The following RSRC1 variants were observed in gnomAD, a reference collection of about 807,000 sequenced individuals.
RSRC1 encodes arginine and serine rich coiled-coil 1, also known as serine/Arginine-related protein 53.
A neutral mutation model predicts 49.1 loss-of-function variants in RSRC1; 39 were observed. That is an observed-to-expected ratio of 0.79 (90% CI 0.61 to 1.04). The LOEUF (loss-of-function observed/expected upper bound fraction) is 1.04. Among genes scored for constraint, RSRC1 ranks in the 50% least tolerant of loss-of-function variants. The pLI is 0.00. For missense variants in RSRC1, 388 were observed against 402.4 expected (o/e 0.96, Z 0.31); for synonymous variants, 143 against 130.8 (o/e 1.09, Z -0.63).
At chr3:158,296,991 A>T (rs1263678226) in intron 4 of RSRC1, among the ~76,000 whole-genome samples, 1 of 152,080 alleles carries the variant, frequency 6.6e-6, no homozygotes, top group Non-Finnish European at 1.5e-5. Flanking sequence ...TTTGGCAAAG[A>T]AAAAATAGAA....
At chr3:158,424,326 A>G (rs1429067998) in intron 6 of RSRC1, among the ~76,000 whole-genome samples, 3 of 151,818 alleles carry the variant, frequency 2.0e-5, no homozygotes, top group Non-Finnish European at 4.4e-5. Flanking sequence ...TTCTGCATCT[A>G]TTGAGATAAA....
At chr3:158,162,878 C>T (rs777041992) in intron 3 of RSRC1, among the ~76,000 whole-genome samples, 4 of 152,124 alleles carry the variant, frequency 2.6e-5, no homozygotes, top group Non-Finnish European at 5.9e-5. Flanking sequence ...AATTTGAACT[C>T]TTCAGGAGAA....
At chr3:158,471,436 T>C (rs1163580596) in intron 7 of RSRC1, among the ~76,000 whole-genome samples, 1 of 152,136 alleles carries the variant, frequency 6.6e-6, no homozygotes, top group Non-Finnish European at 1.5e-5. Context: ...TTAGCTATTG[T>C]TATTATAGCA....
chr3:158,473,524 C>T (rs982268188), intron 7 of RSRC1, among the ~76,000 whole-genome samples: 1 of 151,426 alleles, frequency 6.6e-6, no homozygotes, highest in Non-Finnish European at 1.5e-5. Flanking sequence ...GGGGTGAGGG[C>T]AGGGGGGAGG....
chr3:158,217,125 A>G (rs1214498704), intron 4 of RSRC1, among the ~76,000 whole-genome samples: 1 of 151,708 alleles, frequency 6.6e-6, no homozygotes, highest in East Asian at 1.9e-4. Context: ...AGGAGAATTA[A>G]AAGATGTGAT....
intron 3 of RSRC1, among the ~76,000 whole-genome samples, chr3:158,125,193 T>C (rs947473940): frequency 6.6e-6 from 1 of 152,056 alleles, no homozygotes; most frequent in Non-Finnish European, 1.5e-5. Context: ...TTTTGTTGAT[T>C]TTTTTCTAAA....
chr3:158,203,364 T>A, intron 4 of RSRC1, 119 bp downstream of exon 4: 2 of 1,045,518 alleles, frequency 1.9e-6, no homozygotes, highest in South Asian at 2.2e-5. Context: ...TAGAAGAAAA[T>A]GGAATAAAAA....
intron 6 of RSRC1, among the ~76,000 whole-genome samples, chr3:158,376,955 T>C (rs1433353264): frequency 1.3e-5 from 2 of 152,186 alleles, no homozygotes; most frequent in East Asian, 3.8e-4. Flanking sequence ...TTGGGGGTGT[T>C]GTGTTATATA....
At chr3:158,405,115 G>T (rs1734091451) in intron 6 of RSRC1, among the ~76,000 whole-genome samples, 1 of 151,990 alleles carries the variant, frequency 6.6e-6, no homozygotes, top group South Asian at 2.1e-4. Flanking sequence ...ATTAATTGCT[G>T]TATATACCTG....
At chr3:158,205,358 T>C (rs554323559) in intron 4 of RSRC1, among the ~76,000 whole-genome samples, 2 of 152,248 alleles carry the variant, frequency 1.3e-5, no homozygotes, top group South Asian at 4.1e-4. Context: ...CTAATGTACA[T>C]GTTAATTTTT....
intron 6 of RSRC1, among the ~76,000 whole-genome samples, chr3:158,374,471 T>G (rs1732245717): frequency 6.6e-6 from 1 of 152,156 alleles, no homozygotes; most frequent in Admixed American, 6.5e-5. Flanking sequence ...CCCCAGGCAT[T>G]TAGATCTGTA....
chr3:158,260,674 A>G (rs534236340), intron 4 of RSRC1, among the ~76,000 whole-genome samples: 6 of 152,140 alleles, frequency 3.9e-5, no homozygotes, highest in Non-Finnish European at 7.4e-5. Flanking sequence ...CTGCTTTTCA[A>G]GTTTATTTAG....
chr3:158,299,358 G>T (rs1312970280), intron 5 of RSRC1, among the ~76,000 whole-genome samples: 4 of 151,408 alleles, frequency 2.6e-5, no homozygotes, highest in Admixed American at 2.0e-4. Context: ...TTTTGAGATG[G>T]AGCCTCGCTC....
chr3:158,249,856 G>A (rs1031353111), intron 4 of RSRC1, among the ~76,000 whole-genome samples: 6 of 151,990 alleles, frequency 3.9e-5, no homozygotes, highest in African/African-American at 1.4e-4. Flanking sequence ...ATTTTTGAAT[G>A]TGTAATAAAT....
At chr3:158,345,788 T>C (rs376290486) in intron 5 of RSRC1, among the ~76,000 whole-genome samples, 14 of 148,784 alleles carry the variant, frequency 9.4e-5, no homozygotes, top group Middle Eastern at 3.6e-3. Flanking sequence ...TATATATATA[T>C]ACACATATAT....
At chr3:158,242,691 A>G (rs1723661644) in intron 4 of RSRC1, among the ~76,000 whole-genome samples, 1 of 151,794 alleles carries the variant, frequency 6.6e-6, no homozygotes, top group Non-Finnish European at 1.5e-5. Flanking sequence ...TCCTTTTTCT[A>G]CACAACCTCG....
At chr3:158,289,302 G>A (rs540409881) in intron 4 of RSRC1, among the ~76,000 whole-genome samples, 2 of 152,210 alleles carry the variant, frequency 1.3e-5, no homozygotes, top group African/African-American at 4.8e-5. Context: ...CTGGTTTTAA[G>A]TGGCATAACT....
chr3:158,418,271 TAGTAA>T (rs896147539), intron 6 of RSRC1, among the ~76,000 whole-genome samples: 3 of 152,034 alleles, frequency 2.0e-5, no homozygotes, highest in South Asian at 4.1e-4. Context: ...AAAAGCAACA[TAGTAA>T]AGTAAAGTCT....
chr3:158,210,440 G>A (rs1721609981), intron 4 of RSRC1, among the ~76,000 whole-genome samples: 2 of 131,872 alleles, frequency 1.5e-5, no homozygotes, highest in South Asian at 2.3e-4. Context: ...GCAGTATATC[G>A]AAAGTATACC....
Sources: allele counts gnomAD v4.1 joint callset (sites outside exome capture counted in the v4.1 genomes callset), GRCh38; gene constraint gnomAD v4.1.1; transcripts MANE v1.5; gene names NCBI Gene and HGNC (gene_info 2026-07-23, HGNC 2026-07-21).